TNKS: variants seen among roughly 807,000 people sequenced by gnomAD.
The protein encoded by TNKS is poly [ADP-ribose] polymerase tankyrase-1.
In TNKS, 72 loss-of-function variants were observed where a neutral mutation model predicts 135.8. That is an observed-to-expected ratio of 0.53 (90% CI 0.44 to 0.64). TNKS has a LOEUF of 0.64. TNKS is among the 30% of genes least tolerant of loss of function. The pLI, the probability that TNKS is intolerant of heterozygous loss-of-function variation, is 0.00. For missense variants in TNKS, 1,769 were observed against 1,674.0 expected (o/e 1.06, Z -0.99); for synonymous variants, 849 against 649.3 (o/e 1.31, Z -4.68).
chr8:9,637,818 A>G (rs1388233254), intron 3 of TNKS, among the ~76,000 whole-genome samples: 3 of 152,218 alleles, frequency 2.0e-5, no homozygotes, highest in Non-Finnish European at 4.4e-5. Context: ...AAAGAAGGGA[A>G]AGAAACTCAA....
chr8:9,700,936 CT>C (rs66830437), intron 5 of TNKS, among the ~76,000 whole-genome samples: 100,784 of 141,960 alleles, frequency 0.71, 35,356 homozygotes, highest in Middle Eastern at 0.8. Context: ...GTTTTGCCCC[CT>C]TTTTTTTTTT....
Position 9,720,447 on chromosome 8 carries a change from G to A in TNKS, c.1823G>A (p.Arg608His), listed in dbSNP as rs762673340. Residue 608 changes from arginine (R) to histidine (H), a missense_variant, in exon 12 of 27, where the codon CGC (arginine) becomes CAC (histidine). Arg to His is a conservative substitution (Grantham distance 29, BLOSUM62 0). Transcript: ENST00000310430. ...AALAGHLQTCRLLLSYGSDPS... is the reference protein window; with the variant it reads ...AALAGHLQTCHLLLSYGSDPS... ...CTAGCAGGTCACCTGCAGACCTGCC[G>A]CCTCCTGCTGAGTTACGGCTCTGAC... 10 of 1,613,966 alleles carry A rather than the reference G, an allele frequency of 6.2e-6. No homozygotes were observed. Among genetic ancestry groups the A allele is most frequent in the African/African-American group, 2.7e-5 (2 of 74,918 alleles).
At chr8:9,597,368 G>A (rs560675118) in intron 2 of TNKS, among the ~76,000 whole-genome samples, 3 of 152,276 alleles carry the variant, frequency 2.0e-5, no homozygotes, top group African/African-American at 4.8e-5. Flanking sequence ...GACACAAAGC[G>A]GACACTCAAT....
At position 9,661,303 on chromosome 8, in the gene TNKS, T is replaced by C. The variant is rs889125494; in HGVS notation, c.995-18648T>C. On this transcript the variant is annotated intron_variant, in intron 3 of 26. Coordinates refer to ENST00000310430, the MANE Select transcript of TNKS (RefSeq NM_003747.3). ...CAATCCTAAGCTGAAAGAACAAAGC[T>C]GGAGGCATCATGTTACCTGACTTCA... Among the ~76,000 whole-genome samples the C allele has an allele frequency of 5.9e-5, 9 of 152,166 alleles. No homozygotes were observed. In the East Asian group the frequency reaches 1.3e-3, roughly 23 times the overall value.
At chr8:9,580,126 A>T (rs767729699) in intron 1 of TNKS, 33 bp from the exon 2 acceptor site, 1 of 1,578,956 alleles carries the variant, frequency 6.3e-7, no homozygotes, top group Non-Finnish European at 8.7e-7. Context: ...AAAATCAAAT[A>T]TATATACAAG....
At chr8:9,664,410 T>C (rs1248156959) in intron 3 of TNKS, among the ~76,000 whole-genome samples, 7 of 152,194 alleles carry the variant, frequency 4.6e-5, no homozygotes, top group Non-Finnish European at 1.0e-4. Context: ...AAATTATTCA[T>C]GAGGGATCCA....
At chr8:9,753,274 A>G (rs1806649808) in intron 20 of TNKS, among the ~76,000 whole-genome samples, 1 of 152,288 alleles carries the variant, frequency 6.6e-6, no homozygotes, top group South Asian at 2.1e-4. Flanking sequence ...TTCATTATTC[A>G]TGTGACTAGG....
intron 11 of TNKS, among the ~76,000 whole-genome samples, chr8:9,711,567 G>C (rs184661506): frequency 1.3e-5 from 2 of 152,190 alleles, no homozygotes; most frequent in Admixed American, 6.5e-5. Flanking sequence ...TTGTGAAGTA[G>C]TATTTTAAGG....
chr8:9,653,748 C>T (rs1263777960), intron 3 of TNKS, among the ~76,000 whole-genome samples: 2 of 152,132 alleles, frequency 1.3e-5, no homozygotes, highest in African/African-American at 4.8e-5. Flanking sequence ...GGAGACAAAC[C>T]ACATCCAGCC....
chr8:9,633,263 A>G (rs956551232), intron 3 of TNKS, among the ~76,000 whole-genome samples: 1 of 152,204 alleles, frequency 6.6e-6, no homozygotes, highest in Non-Finnish European at 1.5e-5. Context: ...CAATAAAAAT[A>G]TATAAGTAAT....
chr8:9,699,177 T>C (rs902879235), intron 5 of TNKS, among the ~76,000 whole-genome samples: 8 of 152,358 alleles, frequency 5.3e-5, no homozygotes, highest in African/African-American at 1.9e-4. Context: ...GCAACATGTG[T>C]ATTTTAGAAA....
intron 5 of TNKS, among the ~76,000 whole-genome samples, chr8:9,688,991 G>C (rs1304397314): frequency 6.6e-6 from 1 of 152,092 alleles, no homozygotes; most frequent in African/African-American, 2.4e-5. Flanking sequence ...CTTATCATGA[G>C]GTTCCCACCC....
intron 9 of TNKS, among the ~76,000 whole-genome samples, chr8:9,708,987 C>G (rs1804187862): frequency 1.0e-5 from 1 of 98,576 alleles, no homozygotes; most frequent in South Asian, 3.1e-4. Context: ...TAAAACTATC[C>G]ACGTTTTTTT....
At position 9,680,740 on chromosome 8, in the gene TNKS, A is replaced by G. The variant is rs61756245; in HGVS notation, c.1047A>G (p.Glu349=). 1,667 of 1,612,134 alleles carry G rather than the reference A, an allele frequency of 1.0e-3. 30 individuals carry two copies. In the Admixed American group the frequency reaches 0.026, roughly 25 times the overall value. The change falls in exon 5 of 27, where the codon GAA becomes GAG. Residue 349 remains glutamate, a synonymous_variant. Transcript: ENST00000310430. ...LLEAARSGNE[E]KLMALLTPLN... Reference sequence around the variant, plus strand: ...CTTTTTATAGGAGTGGTAATGAAGAAAAACTAATGGCTTTACTGACTCCTC... The same window carrying G: ...CTTTTTATAGGAGTGGTAATGAAGAGAAACTAATGGCTTTACTGACTCCTC...
intron 3 of TNKS, among the ~76,000 whole-genome samples, chr8:9,646,739 T>C (rs1429861715): frequency 6.6e-6 from 1 of 152,112 alleles, no homozygotes; most frequent in African/African-American, 2.4e-5. Flanking sequence ...CTTACATAGG[T>C]TTTTTCTTTT....
At chr8:9,676,105 C>T (rs1012757901) in intron 3 of TNKS, among the ~76,000 whole-genome samples, 4 of 151,566 alleles carry the variant, frequency 2.6e-5, no homozygotes, top group Middle Eastern at 3.4e-3. Flanking sequence ...CTCTGCCTCC[C>T]GGATTCAAGA....
intron 2 of TNKS, among the ~76,000 whole-genome samples, chr8:9,588,201 G>T (rs1798459874): frequency 6.6e-6 from 1 of 152,046 alleles, no homozygotes; most frequent in Admixed American, 6.5e-5. Flanking sequence ...TGTTTAAACT[G>T]AACATTTTCT....
intron 2 of TNKS, among the ~76,000 whole-genome samples, chr8:9,594,714 T>C (rs545618656): frequency 4.1e-4 from 62 of 152,342 alleles, no homozygotes; most frequent in Non-Finnish European, 7.4e-4. Context: ...TTAAAATCAG[T>C]CACCTGTTGT....
rs746953481 is a variant in TNKS, at chr8:9,751,713, A to G, written c.2937A>G (p.Pro979=). Reference sequence around the variant, plus strand: ...TAGTGAGTGCCTCTCTGATCTCACCAGCATCCACCCCCTCCTGCCTCTCGG... The same window carrying G: ...TAGTGAGTGCCTCTCTGATCTCACCGGCATCCACCCCCTCCTGCCTCTCGG... ...ATVVSASLIS[P]ASTPSCLSAA... Residue 979 remains proline (P), a synonymous_variant, in exon 19 of 27, where the codon CCA becomes CCG. Transcript: ENST00000310430. 1.8e-5 allele frequency: 29 copies of G among 1,614,180 alleles called. No homozygotes were observed. Among genetic ancestry groups the G allele is most frequent in the Non-Finnish European group, 2.3e-5 (27 of 1,180,036 alleles).
Sources: gnomAD v4.1 joint callset for allele counts (sites outside exome capture counted in the v4.1 genomes callset) on GRCh38, gnomAD v4.1.1 for gene constraint, MANE v1.5 for transcripts, NCBI Gene and HGNC (gene_info 2026-07-23, HGNC 2026-07-21) for gene names.